The following PDE4D variants were observed in gnomAD, a reference collection of about 807,000 sequenced individuals.
The protein encoded by PDE4D is 3',5'-cyclic-AMP phosphodiesterase 4D.
PDE4D carries 24 observed loss-of-function variants against 87.4 expected under a neutral mutation model. The observed-to-expected ratio is 0.27, with a 90% CI of 0.20 to 0.39. The LOEUF (loss-of-function observed/expected upper bound fraction) is 0.39. Ranked by LOEUF, PDE4D falls within the 10% of genes least tolerant of loss-of-function variation. The pLI is 1.00. For synonymous variants in PDE4D, 384 were observed against 383.2 expected, an observed-to-expected ratio of 1.00 and a Z score of -0.02; for missense variants, 714 against 1,041.0, an observed-to-expected ratio of 0.69 and a Z score of 4.32.
At position 59,312,423 on chromosome 5, in the gene PDE4D, G is replaced by T. The variant is rs989926108; in HGVS notation, c.456-96455C>A. 3.7e-4 allele frequency among the ~76,000 whole-genome samples: 57 copies of T among 152,148 alleles called. 1 individual carries two copies. Among genetic ancestry groups the T allele is most frequent in the African/African-American group, 1.4e-3 (57 of 41,448 alleles). On this transcript the variant is annotated intron_variant, in intron 1 of 14. Transcript: ENST00000340635. ...TGTTCCCCAGCTGGACCCCAATCAG[G>T]ACTACAATGCCAAAGCGGGAATATG... is the stretch of plus-strand genomic sequence containing the variant.
intron 1 of PDE4D, among the ~76,000 whole-genome samples, chr5:59,556,101 T>C (rs970252468): frequency 6.6e-6 from 1 of 152,136 alleles, no homozygotes; most frequent in Non-Finnish European, 1.5e-5. Context: ...CATTAAAAAA[T>C]AAGCTTTCTA....
chr5:59,464,816 A>G (rs1261867637), intron 1 of PDE4D, among the ~76,000 whole-genome samples: 1 of 152,244 alleles, frequency 6.6e-6, no homozygotes, highest in Non-Finnish European at 1.5e-5. Context: ...CTATAAGGTG[A>G]AAAACATCTA....
chr5:59,846,292 G>C (rs1415190749), intron 1 of PDE4D, among the ~76,000 whole-genome samples: 1 of 152,056 alleles, frequency 6.6e-6, no homozygotes, highest in Admixed American at 6.6e-5. Context: ...TGATGAGTTA[G>C]AATTACAGTA....
At chr5:60,100,729 T>C (rs1400441266) in intron 2 of PDE4D, among the ~76,000 whole-genome samples, 1 of 152,096 alleles carries the variant, frequency 6.6e-6, no homozygotes. Flanking sequence ...TGGAAGGTTA[T>C]ATGAGTTTAT....
chr5:59,617,079 T>C (rs1447414149), intron 1 of PDE4D, among the ~76,000 whole-genome samples: 3 of 151,744 alleles, frequency 2.0e-5, no homozygotes, highest in African/African-American at 4.8e-5. Flanking sequence ...TCTTATTTGC[T>C]ATCAACATTA....
At chr5:59,982,411 C>T (rs899253100) in intron 3 of PDE4D, among the ~76,000 whole-genome samples, 5 of 152,090 alleles carry the variant, frequency 3.3e-5, no homozygotes, top group African/African-American at 1.2e-4. Flanking sequence ...TTTCTTCATT[C>T]CCATAACTTC....
intron 1 of PDE4D, among the ~76,000 whole-genome samples, chr5:59,624,525 C>T (rs537313945): frequency 3.5e-4 from 54 of 152,212 alleles, no homozygotes; most frequent in Non-Finnish European, 6.9e-4. Flanking sequence ...GCCACAGAGA[C>T]GCTGTGGCAC....
intron 1 of PDE4D, among the ~76,000 whole-genome samples, chr5:59,796,454 T>TTTACCAACTCC (rs1766490711): frequency 6.6e-6 from 1 of 152,210 alleles, no homozygotes; most frequent in Non-Finnish European, 1.5e-5. Context: ...GGCTCTGCCT[T>TTTACCAACTCC]TTACCAACTC....
intron 2 of PDE4D, among the ~76,000 whole-genome samples, chr5:60,091,088 C>G (rs1484290721): frequency 1.3e-5 from 2 of 152,114 alleles, no homozygotes; most frequent in Non-Finnish European, 1.5e-5. Flanking sequence ...GAACACTGGT[C>G]TGGGCAAAGA....
At chr5:59,064,310 A>G (rs1296328998) in intron 5 of PDE4D, among the ~76,000 whole-genome samples, 1 of 152,138 alleles carries the variant, frequency 6.6e-6, no homozygotes. Context: ...TTTTAAATCA[A>G]CTAGCAGACC....
At position 59,531,525 on chromosome 5, in the gene PDE4D, G is replaced by A. The variant is rs149228051; in HGVS notation, c.456-315557C>T. 9.9e-4 allele frequency among the ~76,000 whole-genome samples: 150 copies of A among 152,218 alleles called. 1 individual carries two copies. Among genetic ancestry groups the A allele is most frequent in the African/African-American group, 3.3e-3 (139 of 41,534 alleles). The stretch of plus-strand genomic sequence containing the variant: ...AATGTATCATTTTATAGTTCTGTAG[G>A]TCAGAAGTCCAACACAGGCCTCAAT... On this transcript the variant is annotated intron_variant, in intron 1 of 14. Transcript: ENST00000340635.
chr5:59,010,976 G>A (rs998998519), intron 6 of PDE4D, among the ~76,000 whole-genome samples: 30 of 152,104 alleles, frequency 2.0e-4, no homozygotes, highest in Admixed American at 1.6e-3. Flanking sequence ...TACATTTGCC[G>A]TTCTGCAATA....
At chr5:59,194,783 G>A (rs1212901299) in intron 2 of PDE4D, among the ~76,000 whole-genome samples, 1 of 152,202 alleles carries the variant, frequency 6.6e-6, no homozygotes, top group Non-Finnish European at 1.5e-5. Flanking sequence ...GGCAACTGAG[G>A]TTCAGAGAGG....
intron 1 of PDE4D, among the ~76,000 whole-genome samples, chr5:60,416,049 G>A (rs1282410334): frequency 6.6e-6 from 1 of 152,206 alleles, no homozygotes; most frequent in South Asian, 2.1e-4. Flanking sequence ...CCCAAGGTTT[G>A]TAAATGCACC....
chr5:59,282,521 T>C lies in PDE4D; in HGVS notation c.456-66553A>G, dbSNP rs563590036. Among the ~76,000 whole-genome samples, 12 of 151,630 alleles carry C rather than the reference T, an allele frequency of 7.9e-5. No homozygotes were observed. The East Asian group carries it at 2.3e-3, about 30-fold the overall frequency. ...AGCTGGGTGTGGTGGCGAGCACCTG[T>C]AATCCCAGCTACTTGGGAGGCTGAG... On this transcript the variant is annotated intron_variant, in intron 1 of 14. Transcript: ENST00000340635.
At chr5:59,280,520 T>C (rs910949422) in intron 1 of PDE4D, among the ~76,000 whole-genome samples, 1 of 152,140 alleles carries the variant, frequency 6.6e-6, no homozygotes, top group Admixed American at 6.5e-5. Flanking sequence ...CTTTGCATTC[T>C]GCCTCTCCTC....
intron 1 of PDE4D, among the ~76,000 whole-genome samples, chr5:59,629,379 T>G (rs184472662): frequency 6.6e-6 from 1 of 152,138 alleles, no homozygotes; most frequent in East Asian, 1.9e-4. Flanking sequence ...ACTGGTGTCC[T>G]TGTAATAAAA....
At chr5:60,396,479 C>T (rs1210524060) in intron 1 of PDE4D, among the ~76,000 whole-genome samples, 1 of 152,164 alleles carries the variant, frequency 6.6e-6, no homozygotes, top group Admixed American at 6.5e-5. Context: ...TGTTCCCTCT[C>T]TCTCTGGTTC....
intron 1 of PDE4D, among the ~76,000 whole-genome samples, chr5:60,262,160 C>T (rs1332811435): frequency 2.0e-5 from 3 of 152,044 alleles, no homozygotes; most frequent in Admixed American, 2.0e-4. Flanking sequence ...TGAATTACGG[C>T]CCTGAAATTG....
Sources: allele counts gnomAD v4.1 joint callset (sites outside exome capture counted in the v4.1 genomes callset), GRCh38; gene constraint gnomAD v4.1.1; transcripts MANE v1.5; gene names NCBI Gene and HGNC (gene_info 2026-07-23, HGNC 2026-07-21).